The following PRKD3 variants were observed in gnomAD, a reference collection of about 807,000 sequenced individuals.
PRKD3 encodes the protein serine/threonine-protein kinase D3.
A neutral mutation model predicts 99.2 loss-of-function variants in PRKD3; 47 were observed. The observed-to-expected ratio is 0.47, with a 90% confidence interval of 0.38 to 0.60. PRKD3 has a LOEUF of 0.60. Ranked by LOEUF, PRKD3 falls within the 20% of genes least tolerant of loss-of-function variation. PRKD3 has a pLI of 0.00. For synonymous variants in PRKD3, 392 were observed against 355.4 expected, an observed-to-expected ratio of 1.10 and a Z score of -1.16; for missense variants, 1,019 against 1,088.4, an observed-to-expected ratio of 0.94 and a Z score of 0.90.
Position 37,250,896 on chromosome 2 carries a change from G to C in PRKD3, c.*2281C>G, listed in dbSNP as rs973834462. 1.3e-5 allele frequency: 2 copies of C among 152,728 alleles called. No homozygotes were observed. The highest frequency in any genetic ancestry group is 1.9e-4 in the East Asian group (1 of 5,188). 9.5% of individuals were successfully genotyped at this position (152,728 alleles called of 1,614,324 possible). On this transcript the variant is annotated 3_prime_UTR_variant, in exon 19 of 19. Transcript: ENST00000234179. The stretch of plus-strand genomic sequence containing the variant: ...GACAAAAAGTTATGCAGGTTATACA[G>C]TATCTGGAATAATCATTCAACTCCA...
rs1672046909 is a variant in PRKD3 at position 37,324,684 on chromosome 2, G to A, written c.-659C>T. The A allele has an allele frequency of 2.0e-5, 3 of 151,032 alleles. No homozygotes were observed. The South Asian group carries it at 6.1e-4, about 31-fold the overall frequency. 9.4% of individuals were successfully genotyped at this position (151,032 alleles called of 1,614,324 possible). ...GCTCCCCGAGGCGACTACTTACAGTGGCAGGCTCGGCCCGTCGTGAGAAAC... is the reference window on the plus strand; with the variant it reads ...GCTCCCCGAGGCGACTACTTACAGTAGCAGGCTCGGCCCGTCGTGAGAAAC... On this transcript the variant is annotated 5_prime_UTR_variant, in exon 1 of 19. Transcript: ENST00000234179.
Position 37,260,268 on chromosome 2 carries a change from C to T in PRKD3, c.2001G>A (p.Glu667=). ...TAATTCGTTCTGGAAGCCGACTTTTCTCACTGGATAGAATCATTTCCAACA... is the reference window on the plus strand; with the variant it reads ...TAATTCGTTCTGGAAGCCGACTTTTTTCACTGGATAGAATCATTTCCAACA... ...GDMLEMILSS[E]KSRLPERITK... Residue 667 remains glutamate (E), a synonymous_variant, in exon 15 of 19, where the codon GAG becomes GAA. Transcript: ENST00000234179. 6.2e-7 allele frequency: 1 copy of T among 1,611,720 alleles called. No individual in the cohort carries two copies. The highest frequency in any genetic ancestry group is 8.5e-7 in the Non-Finnish European group (1 of 1,178,064).
chr2:37,276,780 A>G (rs1167954506), intron 9 of PRKD3, among the ~76,000 whole-genome samples: 1 of 150,280 alleles, frequency 6.7e-6, no homozygotes, highest in African/African-American at 2.4e-5. Context: ...AGGTGTGTGT[A>G]TATATGTATA....
intron 2 of PRKD3, among the ~76,000 whole-genome samples, chr2:37,306,725 A>G (rs1405373505): frequency 6.6e-6 from 1 of 152,090 alleles, no homozygotes; most frequent in African/African-American, 2.4e-5. Flanking sequence ...GGGAGGATCA[A>G]TTGAGCCCAG....
chr2:37,273,292 G>C (rs11124575), intron 11 of PRKD3, among the ~76,000 whole-genome samples: 104,190 of 151,928 alleles, frequency 0.69, 36,259 homozygotes, highest in East Asian at 0.98. Flanking sequence ...TAAAAACCTC[G>C]AAAACTTAAG....
chr2:37,270,813 T>C (rs1197774154), intron 12 of PRKD3, among the ~76,000 whole-genome samples: 7 of 152,256 alleles, frequency 4.6e-5, no homozygotes, highest in African/African-American at 1.7e-4. Context: ...ATCCAATGCA[T>C]ATATAATAAC....
Position 37,253,374 on chromosome 2 carries a change from G to A in PRKD3, c.2500-24C>T, listed in dbSNP as rs765688832. 7.0e-6 allele frequency: 11 copies of A among 1,575,842 alleles called. No individual in the cohort carries two copies. In the South Asian group the frequency reaches 1.3e-4, roughly 18 times the overall value. ...TCCTAGGAGAAAATGAAATTGTAAT[G>A]ATGAAACAAAAGAAACAAAATACTG... is the stretch of plus-strand genomic sequence containing the variant. On this transcript the variant is annotated intron_variant, in intron 18 of 18. Transcript: ENST00000234179.
At position 37,274,502 on chromosome 2, in the gene PRKD3, C is replaced by G. The variant is rs1462533537; in HGVS notation, c.1570G>C (p.Glu524Gln). 6.2e-7 allele frequency: 1 copy of G among 1,613,988 alleles called. No individual in the cohort carries two copies. Among genetic ancestry groups the G allele is most frequent in the Non-Finnish European group, 8.5e-7 (1 of 1,179,998 alleles). The change falls in exon 11 of 19, where the codon GAA (glutamate) becomes CAA (glutamine). Residue 524 changes from glutamate to glutamine, a missense_variant. Around this residue, in one of 3 missense-constraint regions of PRKD3, gnomAD observed 710 missense variants for 692.7 expected, o/e 1.02. Coordinates refer to ENST00000234179, the MANE Select transcript of PRKD3 (RefSeq NM_005813.6). ...ATGAGGGCTTGGCGAATTGCTTTTT[C>G]CCAGCTCTGTGCTACATCAAGTCCA... Reference protein sequence around the residue: ...GVGLDVAQSWEKAIRQALMPV... With the variant: ...GVGLDVAQSWQKAIRQALMPV...
chr2:37,294,777 C>G (rs1393759619), intron 2 of PRKD3, among the ~76,000 whole-genome samples: 1 of 152,046 alleles, frequency 6.6e-6, no homozygotes, highest in Non-Finnish European at 1.5e-5. Flanking sequence ...ACATTCCATC[C>G]TCATTAAAAC....
At chr2:37,261,794 C>A (rs1668480299) in intron 14 of PRKD3, among the ~76,000 whole-genome samples, 1 of 139,700 alleles carries the variant, frequency 7.2e-6, no homozygotes, top group Admixed American at 7.0e-5. Context: ...AACAAAAAAA[C>A]CCAGACGGTC....
chr2:37,267,746 C>T, intron 13 of PRKD3: 1 of 480,704 alleles, frequency 2.1e-6, no homozygotes, highest in Non-Finnish European at 3.6e-6. Context: ...AAGTCAGCTG[C>T]ATTATCTAAA....
chr2:37,324,179 C>T, intron 1 of PRKD3: 1 of 985,366 alleles, frequency 1.0e-6, no homozygotes, highest in South Asian at 4.7e-5. Flanking sequence ...CTTACATTCT[C>T]CAAGCACCAT....
Position 37,256,777 on chromosome 2 carries a change from G to A in PRKD3, c.2298C>T (p.Ile766=). The change falls in exon 17 of 19, where the codon ATC becomes ATT. Residue 766 remains isoleucine (I), a synonymous_variant. Transcript: ENST00000234179. ...SLDMWSVGVI[I]YVSLSGTFPF... ...GAAATGTGCCACTGAGGCTCACATA[G>A]ATGATAACTCCCACTGACCACATAT... The A allele has an allele frequency of 6.2e-7, 1 of 1,613,472 alleles. No homozygotes were observed. The highest frequency in any genetic ancestry group is 8.5e-7 in the Non-Finnish European group (1 of 1,179,964).
chr2:37,271,058 T>C (rs1440518440), intron 12 of PRKD3, among the ~76,000 whole-genome samples: 1 of 152,258 alleles, frequency 6.6e-6, no homozygotes, highest in Non-Finnish European at 1.5e-5. Context: ...TGAAATGTTC[T>C]ATCTCCAATA....
chr2:37,316,557 G>A lies in PRKD3; in HGVS notation c.-33C>T. The A allele has an allele frequency of 1.3e-6, 2 of 1,588,212 alleles. No homozygotes were observed. The highest frequency in any genetic ancestry group is 1.4e-5 in the African/African-American group (1 of 73,734). On this transcript the variant is annotated 5_prime_UTR_variant, in exon 2 of 19. Coordinates refer to ENST00000234179, the MANE Select transcript of PRKD3 (RefSeq NM_005813.6). ...TCTTTAATCTTTTAAAATAGTTGTC[G>A]ATTCTTTTTCAATGGTTATGAAGAG... is the stretch of plus-strand genomic sequence containing the variant.
rs763266497 is a variant in PRKD3, at chr2:37,254,307, A to G, written c.2414-18T>C. On this transcript the variant is annotated intron_variant, in intron 17 of 18. Transcript: ENST00000234179. Reference sequence around the variant, plus strand: ...ATCAATTGCTAAGGGAAAAGACAAAACAAGATACATGAATTTGGGTGCACA... The same window carrying G: ...ATCAATTGCTAAGGGAAAAGACAAAGCAAGATACATGAATTTGGGTGCACA... 6.3e-7 allele frequency: 1 copy of G among 1,598,078 alleles called. No homozygotes were observed. Among genetic ancestry groups the G allele is most frequent in the South Asian group, 1.1e-5 (1 of 90,744 alleles).
chr2:37,324,337 C>T, intron 1 of PRKD3: 1 of 510,476 alleles, frequency 2.0e-6, no homozygotes, highest in Non-Finnish European at 2.5e-6. Context: ...ATGGGCCGGG[C>T]GCGGTGGTCT....
chr2:37,321,738 G>A (rs752131931), intron 1 of PRKD3, among the ~76,000 whole-genome samples: 6 of 152,172 alleles, frequency 3.9e-5, no homozygotes, highest in Non-Finnish European at 7.3e-5. Flanking sequence ...ATATGGCAGA[G>A]TATACTAAGG....
At position 37,252,627 on chromosome 2, in the gene PRKD3, A is replaced by G. The variant is rs1010586579; in HGVS notation, c.*550T>C. 9 of 152,218 alleles carry G rather than the reference A, an allele frequency of 5.9e-5. No homozygotes were observed. The highest frequency in any genetic ancestry group is 2.2e-4 in the African/African-American group (9 of 41,566). The allele number at this position is 152,218 out of a possible 1,614,324, so 9.4% of individuals were successfully genotyped here. A position where few individuals can be genotyped will look rare whatever the true frequency, so the allele number is the denominator to read the frequency against. On this transcript the variant is annotated 3_prime_UTR_variant, in exon 19 of 19. Transcript: ENST00000234179. ...ACAGCCCAGTGCGCTTTTTCTAGGC[A>G]TCTAAGAAAAACCCTTCAATGCCTC... is the stretch of plus-strand genomic sequence containing the variant.
Sources: gnomAD v4.1 joint callset for allele counts (sites outside exome capture counted in the v4.1 genomes callset) on GRCh38, gnomAD v4.1.1 for gene constraint, gnomAD v4.1.1 regional missense constraint, MANE v1.5 for transcripts, NCBI Gene and HGNC (gene_info 2026-07-23, HGNC 2026-07-21) for gene names.